Variants in PCDH9 observed in about 807,000 individuals in gnomAD.
PCDH9 encodes the protein protocadherin 9.
PCDH9 carries 24 observed loss-of-function variants against 70.6 expected under a neutral mutation model. The observed-to-expected ratio is 0.34, with a 90% CI of 0.25 to 0.48. The LOEUF (loss-of-function observed/expected upper bound fraction) is 0.48. PCDH9 is among the 20% of genes least tolerant of loss of function. The pLI, the probability that PCDH9 is intolerant of heterozygous loss-of-function variation, is 0.99. For synonymous variants in PCDH9, 562 were observed against 558.5 expected (o/e 1.01, Z -0.09); for missense variants, 1,281 against 1,503.6 (o/e 0.85, Z 2.45).
chr13:67,098,215 A>T (rs1212629792), intron 2 of PCDH9, among the ~76,000 whole-genome samples: 1 of 152,198 alleles, frequency 6.6e-6, no homozygotes, highest in East Asian at 1.9e-4. Context: ...ATAGTATGCA[A>T]TAAATATTAA....
At chr13:67,180,287 TA>T (rs1204717847) in intron 2 of PCDH9, among the ~76,000 whole-genome samples, 1 of 152,184 alleles carries the variant, frequency 6.6e-6, no homozygotes. Context: ...CTGCAAGTTT[TA>T]ACTCACAAAT....
chr13:67,113,696 C>T (rs1056098469), intron 2 of PCDH9, among the ~76,000 whole-genome samples: 6 of 152,016 alleles, frequency 3.9e-5, no homozygotes, highest in East Asian at 3.9e-4. Context: ...TACAGGCGCC[C>T]GCCATCACGC....
chr13:66,418,460 AC>A (rs1284763796), intron 4 of PCDH9, among the ~76,000 whole-genome samples: 8 of 152,168 alleles, frequency 5.3e-5, no homozygotes, highest in African/African-American at 1.9e-4. Flanking sequence ...TTATTCTTTT[AC>A]TTAGGATTGT....
intron 3 of PCDH9, among the ~76,000 whole-genome samples, chr13:66,740,749 A>C (rs962489835): frequency 7.1e-4 from 108 of 152,148 alleles, no homozygotes; most frequent in Non-Finnish European, 1.2e-3. Context: ...AGAAGAAATG[A>C]ATAAATTCCT....
chr13:66,490,064 T>C (rs186758425), intron 4 of PCDH9, among the ~76,000 whole-genome samples: 1 of 152,344 alleles, frequency 6.6e-6, no homozygotes, highest in East Asian at 1.9e-4. Context: ...TTGTGCCACA[T>C]GGGTTTGGTG....
intron 2 of PCDH9, among the ~76,000 whole-genome samples, chr13:67,038,787 C>G (rs1358361277): frequency 6.6e-6 from 1 of 152,114 alleles, no homozygotes; most frequent in Admixed American, 6.6e-5. Flanking sequence ...GTAGGAGGAT[C>G]TTTTGTTATA....
At chr13:66,725,567 G>C (rs2078995752) in intron 3 of PCDH9, among the ~76,000 whole-genome samples, 1 of 152,228 alleles carries the variant, frequency 6.6e-6, no homozygotes, top group African/African-American at 2.4e-5. Context: ...TCAATGGCTA[G>C]AGGATGTTCT....
intron 2 of PCDH9, chr13:67,223,878 T>C (rs1328082081): frequency 1.3e-5 from 2 of 152,178 alleles, no homozygotes; most frequent in African/African-American, 4.8e-5. Context: ...GAGATTTTAG[T>C]TGTATGGTAA....
chr13:66,701,479 T>C lies in PCDH9; in HGVS notation c.3139-70068A>G, dbSNP rs185813620. Among the ~76,000 whole-genome samples, 115 of 152,292 alleles carry C rather than the reference T, an allele frequency of 7.6e-4. 1 individual carries two copies. Among genetic ancestry groups the C allele is most frequent in the African/African-American group, 2.7e-3 (111 of 41,554 alleles). On this transcript the variant is annotated intron_variant, in intron 3 of 4. Coordinates refer to ENST00000377865, the MANE Select transcript of PCDH9 (RefSeq NM_203487.3). ...TATGTGTACACATATATACATTTTA[T>C]CAATGCTCAGGCCACTCAATACTTG...
intron 3 of PCDH9, among the ~76,000 whole-genome samples, chr13:66,900,785 A>G (rs1228884303): frequency 6.6e-6 from 1 of 151,762 alleles, no homozygotes; most frequent in East Asian, 1.9e-4. Context: ...AGTTTTCTAC[A>G]GTTAAATATT....
chr13:66,524,601 T>A (rs182942215), intron 4 of PCDH9, among the ~76,000 whole-genome samples: 2 of 152,014 alleles, frequency 1.3e-5, no homozygotes, highest in African/African-American at 4.8e-5. Flanking sequence ...CAAAATAGTA[T>A]GGAGAAATCT....
At chr13:66,520,199 C>T (rs989125601) in intron 4 of PCDH9, among the ~76,000 whole-genome samples, 7 of 152,126 alleles carry the variant, frequency 4.6e-5, no homozygotes, top group African/African-American at 1.7e-4. Flanking sequence ...ACGTCTTAAA[C>T]TGATAGTACT....
intron 3 of PCDH9, among the ~76,000 whole-genome samples, chr13:66,668,487 T>G (rs977236257): frequency 6.6e-6 from 1 of 152,134 alleles, no homozygotes; most frequent in Non-Finnish European, 1.5e-5. Flanking sequence ...TCCTGGTAAT[T>G]CCTTCATTAG....
intron 3 of PCDH9, among the ~76,000 whole-genome samples, chr13:66,756,923 G>A (rs2079546135): frequency 6.6e-6 from 1 of 152,086 alleles, no homozygotes; most frequent in South Asian, 2.1e-4. Context: ...TGCAACCTCT[G>A]CCTCCCGGGT....
intron 4 of PCDH9, among the ~76,000 whole-genome samples, chr13:66,362,681 ATT>A (rs1956491080): frequency 6.8e-6 from 1 of 146,056 alleles, no homozygotes; most frequent in Non-Finnish European, 1.5e-5. Context: ...TCTCTCTTTC[ATT>A]TTCTCTCTCT....
At chr13:67,225,053 C>G (rs1490299943) in intron 2 of PCDH9, 1 of 1,114,954 alleles carries the variant, frequency 9.0e-7, no homozygotes, top group African/African-American at 1.7e-5. Context: ...AGGTGAAAGT[C>G]TTGAAGCAGT....
At chr13:66,925,063 C>T (rs2082696198) in intron 2 of PCDH9, among the ~76,000 whole-genome samples, 1 of 151,734 alleles carries the variant, frequency 6.6e-6, no homozygotes. Flanking sequence ...ATATAAATTA[C>T]AAAACTAAAA....
At chr13:66,825,118 G>A (rs1481446589) in intron 3 of PCDH9, 1 of 151,738 alleles carries the variant, frequency 6.6e-6, no homozygotes, top group African/African-American at 2.4e-5. Context: ...CTTTAAGAAT[G>A]TAAAAGAGAA....
At chr13:66,802,342 C>T (rs1252745217) in intron 3 of PCDH9, among the ~76,000 whole-genome samples, 2 of 151,924 alleles carry the variant, frequency 1.3e-5, no homozygotes, top group Non-Finnish European at 2.9e-5. Context: ...GCTGTTGATT[C>T]ATACAGGATA....
Sources: allele counts gnomAD v4.1 joint callset (sites outside exome capture counted in the v4.1 genomes callset), GRCh38; gene constraint gnomAD v4.1.1; transcripts MANE v1.5; gene names NCBI Gene and HGNC (gene_info 2026-07-23, HGNC 2026-07-21).